RGS10: variants seen among roughly 807,000 people sequenced by gnomAD.
RGS10 encodes regulator of G-protein signalling 10.
A neutral mutation model predicts 23.5 loss-of-function variants in RGS10; 11 were observed. The ratio of observed to expected loss-of-function variants is 0.47; its 90% CI spans 0.29 to 0.77. RGS10 has a LOEUF of 0.77. Among genes scored for constraint, RGS10 ranks in the 30% least tolerant of loss-of-function variants. The pLI is 0.08. For synonymous variants in RGS10, 77 were observed against 83.2 expected (o/e 0.92, Z 0.41); for missense variants, 180 against 226.3 (o/e 0.80, Z 1.31).
chr10:119,506,016 C>T (rs576057899), intron 4 of RGS10, among the ~76,000 whole-genome samples: 13 of 152,276 alleles, frequency 8.5e-5, no homozygotes, highest in African/African-American at 2.9e-4. Flanking sequence ...GTGGAAGCAC[C>T]GCCGTCTCTG....
At chr10:119,523,262 C>T (rs1844239698) in intron 3 of RGS10, among the ~76,000 whole-genome samples, 1 of 152,200 alleles carries the variant, frequency 6.6e-6, no homozygotes, top group Admixed American at 6.5e-5. Flanking sequence ...CAGGTGTCAC[C>T]AATGCCTCCA....
chr10:119,542,573 C>T lies in RGS10; in HGVS notation c.49+17G>A, dbSNP rs767549873. The T allele has an allele frequency of 6.6e-4, 932 of 1,402,128 alleles. No individual in the cohort carries two copies. Among genetic ancestry groups the T allele is most frequent in the Admixed American group, 1.4e-3 (47 of 34,018 alleles). 86.9% of individuals were successfully genotyped at this position (1,402,128 alleles called of 1,614,324 possible). A position where few individuals can be genotyped will look rare whatever the true frequency, so the allele number is the denominator to read the frequency against. ...GGCGCCCCGACCCCGAGCCCGCGGGCCCCCGAAGCCGCTTACCTGACGGCG... is the reference window on the plus strand; with the variant it reads ...GGCGCCCCGACCCCGAGCCCGCGGGTCCCCGAAGCCGCTTACCTGACGGCG... On this transcript the variant is annotated intron_variant, in intron 1 of 4. Coordinates refer to ENST00000369103, the MANE Select transcript of RGS10 (RefSeq NM_001005339.2).
intron 1 of RGS10, among the ~76,000 whole-genome samples, chr10:119,534,224 C>A (rs1390316368): frequency 2.7e-5 from 4 of 150,058 alleles, no homozygotes; most frequent in African/African-American, 9.8e-5. Flanking sequence ...CCACTGCACT[C>A]CAGCCTGAGC....
intron 4 of RGS10, among the ~76,000 whole-genome samples, chr10:119,509,737 G>A (rs1401770698): frequency 6.6e-6 from 1 of 152,212 alleles, no homozygotes; most frequent in Non-Finnish European, 1.5e-5. Context: ...GCAGCTCAGA[G>A]AGGTAGCAGA....
At chr10:119,516,924 T>G (rs1390785513) in intron 3 of RGS10, among the ~76,000 whole-genome samples, 2 of 152,192 alleles carry the variant, frequency 1.3e-5, no homozygotes, top group African/African-American at 4.8e-5. Flanking sequence ...CTCTGAACGT[T>G]AGAGTCTAAA....
At chr10:119,506,410 C>G (rs567175036) in intron 4 of RGS10, among the ~76,000 whole-genome samples, 1 of 152,334 alleles carries the variant, frequency 6.6e-6, no homozygotes, top group African/African-American at 2.4e-5. Flanking sequence ...GGACAGTGTG[C>G]CAGGGGTGGG....
intron 1 of RGS10, chr10:119,536,438 G>A (rs762197467): frequency 4.9e-5 from 79 of 1,610,642 alleles, no homozygotes; most frequent in Non-Finnish European, 6.4e-5. Context: ...CTGCGGACAT[G>A]GAAAGGGGTG....
intron 1 of RGS10, among the ~76,000 whole-genome samples, chr10:119,537,201 C>T (rs999548035): frequency 3.3e-5 from 5 of 151,618 alleles, no homozygotes; most frequent in Admixed American, 1.3e-4. Flanking sequence ...GAGACCAGCC[C>T]GACCAATGTG....
chr10:119,534,173 T>C (rs1023617376), intron 1 of RGS10, among the ~76,000 whole-genome samples: 2 of 151,766 alleles, frequency 1.3e-5, no homozygotes, highest in African/African-American at 4.8e-5. Context: ...GGAGAATCAC[T>C]TGAACCCGGG....
chr10:119,506,351 T>C (rs547330165), intron 4 of RGS10, among the ~76,000 whole-genome samples: 1 of 152,320 alleles, frequency 6.6e-6, no homozygotes, highest in East Asian at 1.9e-4. Flanking sequence ...CACAGAAGGC[T>C]CTGTCGCCTT....
intron 1 of RGS10, among the ~76,000 whole-genome samples, chr10:119,539,200 C>T (rs986972661): frequency 2.0e-5 from 3 of 152,206 alleles, no homozygotes; most frequent in Non-Finnish European, 4.4e-5. Context: ...CAGTGATATT[C>T]TGCAGAGAAA....
chr10:119,521,989 G>A (rs544205615), intron 3 of RGS10, among the ~76,000 whole-genome samples: 1 of 152,192 alleles, frequency 6.6e-6, no homozygotes, highest in Non-Finnish European at 1.5e-5. Flanking sequence ...ATTCTGGAGG[G>A]AAGAAGTCAT....
chr10:119,509,425 C>CA (rs1382001313), intron 4 of RGS10, among the ~76,000 whole-genome samples: 1 of 150,108 alleles, frequency 6.7e-6, no homozygotes, highest in African/African-American at 2.5e-5. Context: ...CCCATCTTTA[C>CA]AAAAAATTAA....
In RGS10 at chr10:119,527,592, A is replaced by G. The variant is rs1334684866; in HGVS notation, c.50-168T>C. ...ATGATGGACTCATTCTTGTCACACA[A>G]CCCTGTAAGGCAGGCACTACTATTT... On this transcript the variant is annotated intron_variant, in intron 1 of 4. Transcript: ENST00000369103. The surrounding 1 kb of genome is among the most constrained non-coding windows in gnomAD (Gnocchi z 4.2). 1.6e-6 allele frequency: 1 copy of G among 615,246 alleles called. No homozygotes were observed. The highest frequency in any genetic ancestry group is 2.9e-6 in the Non-Finnish European group (1 of 342,720). The allele number at this position is 615,246 out of a possible 1,614,324, so 38.1% of individuals were successfully genotyped here. A position where few individuals can be genotyped will look rare whatever the true frequency, so the allele number is the denominator to read the frequency against.
intron 3 of RGS10, 61 bp from the exon 4 acceptor site, chr10:119,515,713 T>A: frequency 6.3e-7 from 1 of 1,594,282 alleles, no homozygotes; most frequent in Non-Finnish European, 8.6e-7. Flanking sequence ...GCCTGAGCCC[T>A]GCTCTCCCCT....
In RGS10 at chr10:119,500,008, G is replaced by A; in HGVS notation, c.*105C>T. The A allele has an allele frequency of 3.3e-6, 4 of 1,229,016 alleles. No homozygotes were observed. Among genetic ancestry groups the A allele is most frequent in the Non-Finnish European group, 4.5e-6 (4 of 883,272 alleles). 76.1% of individuals were successfully genotyped at this position (1,229,016 alleles called of 1,614,324 possible). A position where few individuals can be genotyped will look rare whatever the true frequency, so the allele number is the denominator to read the frequency against. ...AACACACATCCCATTGAAGGGTTTT[G>A]TACATTTCAGTCCTTACAAATAACA... On this transcript the variant is annotated 3_prime_UTR_variant, in exon 5 of 5. Transcript: ENST00000369103.
rs1372968913 is a variant in RGS10, at chr10:119,526,046, G to A, written c.241C>T (p.Gln81Ter). ...WLACEDFKKM[Q>*]DKTQMQEKAK... ...GGAGGAAATACCTGCGTCTTATCTT[G>A]CATTTTCTTAAAATCTTCACATGCT... Residue 81 changes from glutamine (Q) to a stop codon, truncating the protein, a stop_gained, in exon 3 of 5, where the codon CAA (glutamine) becomes TAA (stop). Transcript: ENST00000369103. LOFTEE classifies it high-confidence loss of function. 2.6e-6 allele frequency: 4 copies of A among 1,564,824 alleles called. No individual in the cohort carries two copies. Among genetic ancestry groups the A allele is most frequent in the African/African-American group, 1.4e-5 (1 of 73,162 alleles).
intron 4 of RGS10, chr10:119,515,247 G>A (rs1010548417): frequency 1.3e-5 from 6 of 458,424 alleles, no homozygotes; most frequent in African/African-American, 9.9e-5. Context: ...CCTCTAATCT[G>A]GACTGAGAAG....
chr10:119,535,946 T>C (rs984438415), intron 1 of RGS10, among the ~76,000 whole-genome samples: 2 of 152,230 alleles, frequency 1.3e-5, no homozygotes, highest in Non-Finnish European at 2.9e-5. Flanking sequence ...CTATACCACA[T>C]CAAGTGTAGT....
Sources: gnomAD v4.1 joint callset for allele counts (sites outside exome capture counted in the v4.1 genomes callset) on GRCh38, gnomAD v4.1.1 for gene constraint, Gnocchi (gnomAD v3.1) non-coding constraint, MANE v1.5 for transcripts, NCBI Gene and HGNC (gene_info 2026-07-23, HGNC 2026-07-21) for gene names.